Variants in MYH15 observed in about 807,000 individuals in gnomAD.
The protein encoded by MYH15 is myosin-15.
In MYH15, 227 loss-of-function variants were observed where a neutral mutation model predicts 240.5. The ratio of observed to expected loss-of-function variants is 0.94; its 90% confidence interval spans 0.85 to 1.05. The LOEUF is 1.05. Among genes scored for constraint, MYH15 ranks in the 50% least tolerant of loss-of-function variants. The pLI, the probability that MYH15 is intolerant of heterozygous loss-of-function variation, is 0.00. For missense variants in MYH15, 2,217 were observed against 2,247.5 expected (o/e 0.99, Z 0.27); for synonymous variants, 785 against 796.7 (o/e 0.99, Z 0.25).
intron 20 of MYH15, 84 bp from the exon 21 acceptor site, chr3:108,454,226 G>A (rs529155250): frequency 2.4e-6 from 3 of 1,259,674 alleles, no homozygotes; most frequent in East Asian, 4.8e-5. Context: ...CAACTGTTGT[G>A]TTCCTAGGGA....
chr3:108,512,024 G>T (rs576081206), upstream of MYH15, among the ~76,000 whole-genome samples: 3 of 152,254 alleles, frequency 2.0e-5, no homozygotes, highest in South Asian at 2.1e-4. Flanking sequence ...CCTATGTAAT[G>T]CAAGGACTAG....
intron 14 of MYH15, among the ~76,000 whole-genome samples, chr3:108,468,783 T>C (rs1483900842): frequency 1.3e-5 from 2 of 152,200 alleles, no homozygotes; most frequent in East Asian, 1.9e-4. Context: ...ATCTGAACAA[T>C]GTCTATGTCC....
intron 24 of MYH15, among the ~76,000 whole-genome samples, chr3:108,438,559 G>A (rs1220279072): frequency 6.6e-6 from 1 of 152,098 alleles, no homozygotes; most frequent in South Asian, 2.1e-4. Context: ...GGTGTTGGGA[G>A]GTGGGCCCTT....
At chr3:108,404,182 A>T (rs1296250936) in intron 33 of MYH15, among the ~76,000 whole-genome samples, 1 of 152,212 alleles carries the variant, frequency 6.6e-6, no homozygotes, top group Non-Finnish European at 1.5e-5. Flanking sequence ...GAGTGAGAGC[A>T]AAGATAACTC....
intron 40 of MYH15, among the ~76,000 whole-genome samples, chr3:108,383,149 C>T (rs1322962693): frequency 6.6e-6 from 1 of 152,212 alleles, no homozygotes; most frequent in African/African-American, 2.4e-5. Context: ...TGTTTTCCTT[C>T]ACTGCCTCAA....
chr3:108,453,972 C>G (rs1316393542), intron 21 of MYH15, 34 bp downstream of exon 21: 1 of 1,597,254 alleles, frequency 6.3e-7, no homozygotes, highest in South Asian at 1.1e-5. Flanking sequence ...CACTATTACC[C>G]TAGCAGTTGG....
chr3:108,415,149 T>A (rs575896018), intron 29 of MYH15, among the ~76,000 whole-genome samples: 2 of 152,328 alleles, frequency 1.3e-5, no homozygotes, highest in East Asian at 3.9e-4. Context: ...TAAACATTTT[T>A]ATCATTTAAA....
chr3:108,465,643 A>G (rs532373322), intron 14 of MYH15, among the ~76,000 whole-genome samples: 1 of 152,322 alleles, frequency 6.6e-6, no homozygotes, highest in African/African-American at 2.4e-5. Flanking sequence ...AAGAGTTTTA[A>G]AAAACAAACA....
chr3:108,385,678 C>G (rs1042782846), intron 38 of MYH15, among the ~76,000 whole-genome samples: 7 of 152,194 alleles, frequency 4.6e-5, no homozygotes, highest in African/African-American at 7.2e-5. Context: ...CTGATTTAAT[C>G]AAGAAAGATC....
intron 25 of MYH15, among the ~76,000 whole-genome samples, chr3:108,432,356 C>T (rs914921572): frequency 5.9e-5 from 9 of 152,108 alleles, no homozygotes; most frequent in Admixed American, 2.0e-4. Context: ...CTGCACCCTG[C>T]CTGCATTCAG....
chr3:108,394,891 C>A (rs1037806961), intron 35 of MYH15, among the ~76,000 whole-genome samples: 4 of 152,174 alleles, frequency 2.6e-5, no homozygotes, highest in African/African-American at 9.6e-5. Flanking sequence ...TTTTTTATTT[C>A]TCCTTTCACT....
At chr3:108,525,863 G>A (rs2083665718) in intron 1 of MYH15, among the ~76,000 whole-genome samples, 1 of 151,916 alleles carries the variant, frequency 6.6e-6, no homozygotes, top group South Asian at 2.1e-4. Context: ...CAGACTATTT[G>A]AGCAAATCAG....
intron 25 of MYH15, among the ~76,000 whole-genome samples, 162 bp downstream of exon 25, chr3:108,437,392 A>G (rs1236746414): frequency 6.8e-6 from 1 of 148,120 alleles, no homozygotes; most frequent in East Asian, 2.3e-4. Context: ...ACTATAAAAT[A>G]AAGTCCAGTA....
At chr3:108,449,326 A>C (rs751667245) in intron 21 of MYH15, among the ~76,000 whole-genome samples, 3 of 151,996 alleles carry the variant, frequency 2.0e-5, no homozygotes, top group Non-Finnish European at 4.4e-5. Flanking sequence ...CACATTACCT[A>C]ATTTCAAAAT....
chr3:108,492,863 T>C (rs1325536085), intron 8 of MYH15, among the ~76,000 whole-genome samples: 2 of 151,738 alleles, frequency 1.3e-5, no homozygotes, highest in African/African-American at 4.8e-5. Context: ...AGGTAGAGGA[T>C]TGCTTGATCC....
At position 108,380,817 on chromosome 3, in the gene MYH15, CT is replaced by C. The variant is rs1409716576; in HGVS notation, c.*727del. 1 of 152,352 alleles carries C rather than the reference CT, an allele frequency of 6.6e-6. No homozygotes were observed. Among genetic ancestry groups the C allele is most frequent in the Non-Finnish European group, 1.5e-5 (1 of 68,176 alleles). The allele number at this position is 152,352 out of a possible 1,614,324, so 9.4% of individuals were successfully genotyped here. On this transcript the variant is annotated 3_prime_UTR_variant, in exon 41 of 41. Coordinates refer to ENST00000693548, the MANE Select transcript of MYH15 (RefSeq NM_014981.3). ...CTGCTGATCAAATTAATGCAAATTTCTTTATGACCTACTCCAATCCAGAACC... is the reference window on the plus strand; with the variant it reads ...CTGCTGATCAAATTAATGCAAATTTCTTATGACCTACTCCAATCCAGAACC...
At chr3:108,387,932 G>A (rs916444352) in intron 38 of MYH15, among the ~76,000 whole-genome samples, 2 of 152,246 alleles carry the variant, frequency 1.3e-5, no homozygotes, top group African/African-American at 4.8e-5. Flanking sequence ...AAGGGAAGAA[G>A]ACTTTGACAT....
intron 18 of MYH15, among the ~76,000 whole-genome samples, chr3:108,458,466 G>C (rs1254782112): frequency 1.3e-5 from 2 of 152,192 alleles, no homozygotes; most frequent in African/African-American, 2.4e-5. Context: ...GCCATAGACT[G>C]TCAGGATTGG....
intron 12 of MYH15, among the ~76,000 whole-genome samples, chr3:108,471,143 G>A (rs1408151773): frequency 1.3e-5 from 2 of 151,770 alleles, no homozygotes; most frequent in African/African-American, 4.8e-5. Context: ...GAAGAAAAAG[G>A]AGGAAAGGAG....
Sources: gnomAD v4.1 joint callset for allele counts (sites outside exome capture counted in the v4.1 genomes callset) on GRCh38, gnomAD v4.1.1 for gene constraint, MANE v1.5 for transcripts, NCBI Gene and HGNC (gene_info 2026-07-23, HGNC 2026-07-21) for gene names.